The following ITPR1 variants were observed in gnomAD, a reference collection of about 807,000 sequenced individuals.
The protein encoded by ITPR1 is inositol 1,4,5-trisphosphate-gated calcium channel ITPR1.
ITPR1 carries 96 observed loss-of-function variants against 318.4 expected under a neutral mutation model. That is an observed-to-expected ratio of 0.30 (90% CI 0.26 to 0.36). ITPR1 has a LOEUF of 0.36. ITPR1 is among the 10% of genes least tolerant of loss of function. ITPR1 has a pLI of 1.00. For missense variants in ITPR1, 2,440 were observed against 3,460.2 expected (o/e 0.71, Z 7.40); for synonymous variants, 1,312 against 1,289.9 (o/e 1.02, Z -0.37).
rs539361376 is a variant in ITPR1 at position 4,651,695 on chromosome 3, A to G, written c.856-428A>G. Reference sequence around the variant, plus strand: ...GATGTGACATTTATTTTTCTGATACATTGGCCCCGGCTCTGAGTTTCACAT... The same window carrying G: ...GATGTGACATTTATTTTTCTGATACGTTGGCCCCGGCTCTGAGTTTCACAT... On this transcript the variant is annotated intron_variant, in intron 10 of 61. Coordinates refer to ENST00000649015, the MANE Select transcript of ITPR1 (RefSeq NM_001378452.1). Among the ~76,000 whole-genome samples, 3 of 152,316 alleles carry G rather than the reference A, an allele frequency of 2.0e-5. No individual in the cohort carries two copies. In the East Asian group the frequency reaches 5.8e-4, roughly 29 times the overall value.
At chr3:4,728,771 G>A (rs1452069962) in intron 42 of ITPR1, among the ~76,000 whole-genome samples, 1 of 152,048 alleles carries the variant, frequency 6.6e-6, no homozygotes, top group Non-Finnish European at 1.5e-5. Flanking sequence ...GAGATAAATG[G>A]GTAGCCAGAT....
intron 19 of ITPR1, 120 bp downstream of exon 19, chr3:4,669,893 T>G: frequency 9.8e-7 from 1 of 1,018,516 alleles, no homozygotes; most frequent in Admixed American, 3.6e-5. Context: ...GTGGCTGGCA[T>G]TTGATCTTCT....
intron 25 of ITPR1, 89 bp from the exon 26 acceptor site, chr3:4,681,275 G>A (rs1261136361): frequency 5.6e-6 from 5 of 889,674 alleles, no homozygotes; most frequent in Non-Finnish European, 9.4e-6. Flanking sequence ...TAACTCAACA[G>A]CTTTACCCTG....
chr3:4,541,772 C>G (rs1054908453), intron 4 of ITPR1, among the ~76,000 whole-genome samples: 1 of 151,982 alleles, frequency 6.6e-6, no homozygotes, highest in East Asian at 1.9e-4. Context: ...ACTACCAGCA[C>G]GTGCCACCAT....
At chr3:4,537,051 C>T (rs2083941096) in intron 4 of ITPR1, among the ~76,000 whole-genome samples, 1 of 152,202 alleles carries the variant, frequency 6.6e-6, no homozygotes, top group Non-Finnish European at 1.5e-5. Flanking sequence ...GTACTGTCAG[C>T]AGCCTACGTC....
At chr3:4,755,214 G>A (rs1456786936) in intron 44 of ITPR1, among the ~76,000 whole-genome samples, 3 of 140,904 alleles carry the variant, frequency 2.1e-5, no homozygotes, top group Non-Finnish European at 4.6e-5. Context: ...TGTTGGTTGA[G>A]TTGTTGTTGA....
At chr3:4,740,688 T>TA (rs1292361339) in intron 44 of ITPR1, among the ~76,000 whole-genome samples, 59 of 152,294 alleles carry the variant, frequency 3.9e-4, no homozygotes, top group African/African-American at 1.2e-3. Context: ...CCTGCAATGG[T>TA]GATAACATCT....
At chr3:4,839,163 A>C (rs571718973) in intron 61 of ITPR1, among the ~76,000 whole-genome samples, 1 of 152,304 alleles carries the variant, frequency 6.6e-6, no homozygotes, top group South Asian at 2.1e-4. Context: ...CCCTGTCTTT[A>C]CTAAAAATAC....
At chr3:4,829,971 T>TTTG in intron 60 of ITPR1, among the ~76,000 whole-genome samples, 1 of 104,922 alleles carries the variant, frequency 9.5e-6, no homozygotes, top group Admixed American at 1.0e-4. Flanking sequence ...TTTTTTTTTT[T>TTTG]TTTTTTTTGT....
At chr3:4,581,080 TA>T (rs1309857213) in intron 4 of ITPR1, among the ~76,000 whole-genome samples, 2 of 152,170 alleles carry the variant, frequency 1.3e-5, no homozygotes, top group African/African-American at 4.8e-5. Context: ...TTCAGAAGCT[TA>T]AAATACCGCT....
At position 4,846,184 on chromosome 3, in the gene ITPR1, C is replaced by T. The variant is rs2051765281; in HGVS notation, c.8236C>T (p.His2746Tyr). The T allele has an allele frequency of 6.4e-7, 1 of 1,569,580 alleles. No individual in the cohort carries two copies. The highest frequency in any genetic ancestry group is 1.9e-5 in the Admixed American group (1 of 53,408). Reference sequence around the variant, plus strand: ...GAAACAAAGAATTGGTCTTCTAGGACATCCTCCTCACATGAATGTCAACCC... The same window carrying T: ...GAAACAAAGAATTGGTCTTCTAGGATATCCTCCTCACATGAATGTCAACCC... The part of the protein sequence containing the change: ...KQKQRIGLLG[H>Y]PPHMNVNPQQ... The change falls in exon 62 of 62, where the codon CAT becomes TAT. Residue 2746 changes from histidine to tyrosine, a missense_variant. By Grantham distance (83) the His-to-Tyr change is moderately conservative. This residue lies in a region of ITPR1 where 63 missense variants were observed against 63.4 expected (regional missense o/e 0.99). Transcript: ENST00000649015.
intron 13 of ITPR1, among the ~76,000 whole-genome samples, chr3:4,658,695 A>G (rs764871876): frequency 7.9e-5 from 12 of 152,074 alleles, no homozygotes; most frequent in South Asian, 2.1e-4. Context: ...CACTGTTTGC[A>G]TAGTAAATTT....
At chr3:4,677,349 C>T (rs180786466) in intron 24 of ITPR1, among the ~76,000 whole-genome samples, 105 of 152,192 alleles carry the variant, frequency 6.9e-4, no homozygotes, top group Non-Finnish European at 1.1e-3. Context: ...TGCTAAGAGA[C>T]GTTAAAAAGT....
At chr3:4,589,523 G>C (rs975768677) in intron 4 of ITPR1, among the ~76,000 whole-genome samples, 1 of 152,132 alleles carries the variant, frequency 6.6e-6, no homozygotes, top group African/African-American at 2.4e-5. Context: ...TAGTTTGCAG[G>C]CAATTGCAGT....
intron 18 of ITPR1, among the ~76,000 whole-genome samples, chr3:4,668,233 T>A (rs2093992823): frequency 6.6e-6 from 1 of 151,332 alleles, no homozygotes; most frequent in South Asian, 2.1e-4. Flanking sequence ...TTTTTTTTTT[T>A]TACCTGTTAA....
chr3:4,743,447 A>G (rs2043849489), intron 44 of ITPR1, among the ~76,000 whole-genome samples: 1 of 152,242 alleles, frequency 6.6e-6, no homozygotes, highest in Non-Finnish European at 1.5e-5. Flanking sequence ...GGCAGACAGT[A>G]GGTAATGCAT....
intron 43 of ITPR1, among the ~76,000 whole-genome samples, chr3:4,734,331 C>T (rs1025326190): frequency 6.6e-6 from 1 of 152,226 alleles, no homozygotes; most frequent in Non-Finnish European, 1.5e-5. Flanking sequence ...AAGACAGACT[C>T]TGCTCTGAGA....
intron 17 of ITPR1, among the ~76,000 whole-genome samples, chr3:4,666,858 A>C (rs2093958384): frequency 6.6e-6 from 1 of 152,214 alleles, no homozygotes; most frequent in Admixed American, 6.5e-5. Context: ...CATGCATATG[A>C]TGGATTTTCT....
At chr3:4,709,494 A>G (rs1456813484) in intron 37 of ITPR1, among the ~76,000 whole-genome samples, 3 of 152,212 alleles carry the variant, frequency 2.0e-5, no homozygotes, top group Admixed American at 6.5e-5. Flanking sequence ...GCCTTCCTGT[A>G]TTATCCAACG....
Sources: allele counts gnomAD v4.1 joint callset (sites outside exome capture counted in the v4.1 genomes callset), GRCh38; gene constraint gnomAD v4.1.1; regional missense constraint gnomAD v4.1.1; transcripts MANE v1.5; gene names NCBI Gene and HGNC (gene_info 2026-07-23, HGNC 2026-07-21).